Variants in ENOX2 observed in about 807,000 individuals in gnomAD.
The protein encoded by ENOX2 is APK1 antigen.
A neutral mutation model predicts 45.0 loss-of-function variants in ENOX2; 36 were observed. That is an observed-to-expected ratio of 0.80 (90% CI 0.61 to 1.06). The LOEUF is 1.06. ENOX2 is among the 50% of genes least tolerant of loss of function. The pLI is 0.00. For synonymous variants in ENOX2, 174 were observed against 152.3 expected (o/e 1.14, Z -1.05); for missense variants, 423 against 462.5 (o/e 0.91, Z 0.78).
intron 2 of ENOX2, among the ~76,000 whole-genome samples, chrX:130,880,044 T>G (rs1376979787): frequency 8.9e-6 from 1 of 111,921 alleles, no homozygotes; most frequent in Non-Finnish European, 1.9e-5. Context: ...ACACCCGTTT[T>G]GAACTCCTCT....
intron 2 of ENOX2, among the ~76,000 whole-genome samples, chrX:130,892,650 G>A (rs2079002227): frequency 8.9e-6 from 1 of 112,588 alleles, no homozygotes. Flanking sequence ...CACGACACTA[G>A]GTGAAATAGA....
rs1317791657 is a variant in ENOX2, at chrX:130,681,857, G to T, written c.254-2109C>A. Among the ~76,000 whole-genome samples the T allele has an allele frequency of 6.3e-5, 7 of 111,255 alleles. No individual in the cohort carries two copies. In the East Asian group the frequency reaches 1.7e-3, roughly 27 times the overall value. On this transcript the variant is annotated intron_variant, in intron 5 of 14. Coordinates refer to ENST00000394363, the MANE Select transcript of ENOX2 (RefSeq NM_006375.4). ...GGGACTTTCTAAAGTCCTACCAGAA[G>T]TCTGGAGTAGAGTGGTAGCTAAGAC...
intron 2 of ENOX2, among the ~76,000 whole-genome samples, chrX:130,827,152 G>C (rs1382078517): frequency 8.9e-6 from 1 of 112,093 alleles, no homozygotes; most frequent in African/African-American, 3.2e-5. Flanking sequence ...TGCTAGGCCA[G>C]GGTTTCATCC....
rs369324487 is a variant in ENOX2, at chrX:130,881,258, G to A, written c.-183+20426C>T. Reference sequence around the variant, plus strand: ...TTCATCATCTAACACAGTTCCATCAGGCAGCACTGGGTTAGATATCAGGAA... The same window carrying A: ...TTCATCATCTAACACAGTTCCATCAAGCAGCACTGGGTTAGATATCAGGAA... On this transcript the variant is annotated intron_variant, in intron 2 of 14. Coordinates refer to ENST00000394363, the MANE Select transcript of ENOX2 (RefSeq NM_006375.4). 3.9e-3 allele frequency among the ~76,000 whole-genome samples: 441 copies of A among 112,608 alleles called. 3 individuals are homozygous for A. The highest frequency in any genetic ancestry group is 0.013 in the African/African-American group (406 of 31,059).
At chrX:130,724,904 T>C (rs1364961016) in intron 3 of ENOX2, among the ~76,000 whole-genome samples, 2 of 111,140 alleles carry the variant, frequency 1.8e-5, no homozygotes, top group Admixed American at 9.5e-5. Context: ...GTACAGAAGT[T>C]TTTCAGTATC....
intron 2 of ENOX2, among the ~76,000 whole-genome samples, chrX:130,870,514 C>G (rs1269337454): frequency 9.0e-6 from 1 of 111,301 alleles, no homozygotes; most frequent in African/African-American, 3.3e-5. Context: ...ATTCTACCAC[C>G]AGGACAGAAT....
intron 3 of ENOX2, among the ~76,000 whole-genome samples, chrX:130,770,794 G>C (rs192210176): frequency 9.9e-4 from 111 of 112,282 alleles, no homozygotes; most frequent in Non-Finnish European, 1.7e-3. Flanking sequence ...TACCAGGGTT[G>C]AGATTCTGAC....
chrX:130,648,733 T>A (rs1225329249), intron 10 of ENOX2, among the ~76,000 whole-genome samples: 1 of 108,428 alleles, frequency 9.2e-6, no homozygotes, highest in Admixed American at 9.8e-5. Flanking sequence ...GGAAGGGGGG[T>A]GCATTCTCAC....
chrX:130,729,878 C>A (rs2038697771), intron 3 of ENOX2, among the ~76,000 whole-genome samples: 1 of 112,056 alleles, frequency 8.9e-6, no homozygotes, highest in African/African-American at 3.3e-5. Flanking sequence ...CCTGGAATAC[C>A]TATGGTCTTT....
chrX:130,853,235 T>C (rs980925314), intron 2 of ENOX2, among the ~76,000 whole-genome samples: 3 of 108,883 alleles, frequency 2.8e-5, no homozygotes, highest in African/African-American at 1.0e-4. Flanking sequence ...CCCAGCACTT[T>C]GGGAGGCCGA....
intron 2 of ENOX2, among the ~76,000 whole-genome samples, chrX:130,817,277 T>C (rs1486289061): frequency 1.8e-5 from 2 of 111,759 alleles, no homozygotes; most frequent in Admixed American, 9.5e-5. Flanking sequence ...CAGTAATTAA[T>C]AGCCTACCAA....
intron 2 of ENOX2, among the ~76,000 whole-genome samples, chrX:130,883,356 C>A (rs1372720101): frequency 9.0e-6 from 1 of 111,286 alleles, no homozygotes; most frequent in African/African-American, 3.3e-5. Context: ...AGTGATCCAC[C>A]CCCCTCGGCC....
intron 11 of ENOX2, among the ~76,000 whole-genome samples, chrX:130,636,043 A>G (rs1349948960): frequency 1.8e-5 from 2 of 112,066 alleles, no homozygotes; most frequent in African/African-American, 6.5e-5. Context: ...AGCAACAACA[A>G]AAATGTTTCC....
chrX:130,767,764 G>A (rs1282386165), intron 3 of ENOX2, among the ~76,000 whole-genome samples: 1 of 112,304 alleles, frequency 8.9e-6, no homozygotes, highest in Non-Finnish European at 1.9e-5. Context: ...TCTTGACAAT[G>A]TTTTTCCTTC....
At chrX:130,681,156 C>G (rs774701617) in intron 5 of ENOX2, among the ~76,000 whole-genome samples, 77 of 112,066 alleles carry the variant, frequency 6.9e-4, no homozygotes, top group Non-Finnish European at 1.1e-3. Context: ...GTCTTAGTCA[C>G]AAGCACTGAA....
At chrX:130,762,169 C>T (rs1258295509) in intron 3 of ENOX2, among the ~76,000 whole-genome samples, 1 of 112,081 alleles carries the variant, frequency 8.9e-6, no homozygotes, top group African/African-American at 3.2e-5. Flanking sequence ...TGAGACTTTG[C>T]TTCTTTTCTA....
intron 10 of ENOX2, among the ~76,000 whole-genome samples, chrX:130,656,211 G>A (rs1442896947): frequency 8.9e-6 from 1 of 112,440 alleles, no homozygotes; most frequent in Non-Finnish European, 1.9e-5. Context: ...GAAGAGGAGG[G>A]TATTATCTGT....
At chrX:130,725,314 T>C (rs2038579869) in intron 3 of ENOX2, among the ~76,000 whole-genome samples, 1 of 107,321 alleles carries the variant, frequency 9.3e-6, no homozygotes, top group African/African-American at 3.4e-5. Context: ...CGAGCATGGA[T>C]AGCTGAGAAG....
chrX:130,833,658 G>A (rs2077877044), intron 2 of ENOX2, among the ~76,000 whole-genome samples: 1 of 110,972 alleles, frequency 9.0e-6, no homozygotes, highest in Non-Finnish European at 1.9e-5. Flanking sequence ...TCAGGGAAAG[G>A]ATATCCGAAA....
Sources: gnomAD v4.1 joint callset for allele counts (sites outside exome capture counted in the v4.1 genomes callset) on GRCh38, gnomAD v4.1.1 for gene constraint, MANE v1.5 for transcripts, NCBI Gene and HGNC (gene_info 2026-07-23, HGNC 2026-07-21) for gene names.